GNPTG: variants seen among roughly 807,000 people sequenced by gnomAD.
GNPTG encodes N-acetylglucosamine-1-phosphotransferase subunit gamma.
In GNPTG, 46 loss-of-function variants were observed where a neutral mutation model predicts 43.8. That is an observed-to-expected ratio of 1.05 (90% CI 0.83 to 1.34). The LOEUF (loss-of-function observed/expected upper bound fraction) is 1.34. Among genes scored for constraint, GNPTG ranks in the 40% most tolerant of loss-of-function variants. The pLI, the probability that GNPTG is intolerant of heterozygous loss-of-function variation, is 0.00. For synonymous variants in GNPTG, 250 were observed against 172.8 expected (o/e 1.45, Z -3.50); for missense variants, 549 against 411.3 (o/e 1.33, Z -2.90).
chr16:1,361,449 C>T, intron 3 of GNPTG: 1 of 382,110 alleles, frequency 2.6e-6, no homozygotes, highest in Non-Finnish European at 5.0e-6. Context: ...TCGAGACCAT[C>T]CTGGCTAACG....
Position 1,362,064 on chromosome 16 carries a change from A to G in GNPTG, c.344A>G (p.Asn115Ser), listed in dbSNP as rs138297609. 2.7e-5 allele frequency: 43 copies of G among 1,612,440 alleles called. No homozygotes were observed. Among genetic ancestry groups the G allele is most frequent in the East Asian group, 8.9e-5 (4 of 44,828 alleles). Reference protein sequence around the residue: ...LGIWHEWEIANNTFTGMWMRD... With the variant: ...LGIWHEWEIASNTFTGMWMRD... ...ATCTGGCACGAGTGGGAGATCGCCA[A>G]CAACACCTTCACGGGCATGTGGATG... Residue 115 changes from asparagine to serine, a missense_variant, in exon 6 of 11, where the codon AAC becomes AGC. Physicochemically the swap from Asn to Ser is conservative, Grantham distance 46. Coordinates refer to ENST00000204679, the MANE Select transcript of GNPTG (RefSeq NM_032520.5).
At chr16:1,356,365 G>A (rs1294498821) in intron 3 of GNPTG, among the ~76,000 whole-genome samples, 1 of 152,144 alleles carries the variant, frequency 6.6e-6, no homozygotes, top group Non-Finnish European at 1.5e-5. Flanking sequence ...CAGGGGTGGT[G>A]GCATTTGGGG....
chr16:1,361,927 C>T lies in GNPTG; in HGVS notation c.289C>T (p.Arg97Cys), dbSNP rs753385216. The T allele has an allele frequency of 3.3e-5, 53 of 1,613,658 alleles. No homozygotes were observed. The highest frequency in any genetic ancestry group is 8.9e-5 in the East Asian group (4 of 44,874). ...CGTGACCCAGCACGAGCAGACCTTC[C>T]GCTGGAACGCCTACAGTGGGATCCT... Reference protein sequence around the residue: ...HNVTQHEQTFRWNAYSGILGI... With the variant: ...HNVTQHEQTFCWNAYSGILGI... The change falls in exon 5 of 11, where the codon CGC (arginine) becomes TGC (cysteine). Residue 97 changes from arginine (R) to cysteine (C), a missense_variant. By Grantham distance (180) the Arg-to-Cys change is radical (BLOSUM62 -3). Transcript: ENST00000204679.
Position 1,362,761 on chromosome 16 carries a change from G to C in GNPTG, c.741+19G>C. ...CAGGAAGGTACCGTATTGGGGGGAG[G>C]TGGTGGCACGCAGTAGCCCTCCAGC... On this transcript the variant is annotated intron_variant, in intron 9 of 10. Transcript: ENST00000204679. The C allele has an allele frequency of 6.2e-7, 1 of 1,614,118 alleles. No homozygotes were observed.
At position 1,354,169 on chromosome 16, in the gene GNPTG, G is replaced by A. The variant is rs1178303817; in HGVS notation, c.178+1863G>A. Among the ~76,000 whole-genome samples, 3 of 133,358 alleles carry A rather than the reference G, an allele frequency of 2.2e-5. No individual in the cohort carries two copies. The Admixed American group carries it at 2.4e-4, about 11-fold the overall frequency. 87.5% of individuals were successfully genotyped at this position (133,358 alleles called of 152,430 possible). On this transcript the variant is annotated intron_variant, in intron 3 of 10. Transcript: ENST00000204679. ...GGAGTCGGGCCACCACCTATCCCAA[G>A]AAGCTGGGGAGGAGGCAGGCCACTG...
intron 3 of GNPTG, among the ~76,000 whole-genome samples, chr16:1,354,739 T>G (rs1174411902): frequency 6.6e-6 from 1 of 152,268 alleles, no homozygotes; most frequent in African/African-American, 2.4e-5. Context: ...AACAGTTCTC[T>G]TCCCACCTTT....
intron 3 of GNPTG, among the ~76,000 whole-genome samples, chr16:1,359,967 G>C (rs1359503901): frequency 6.6e-6 from 1 of 152,120 alleles, no homozygotes; most frequent in African/African-American, 2.4e-5. Context: ...AAATTAGCCA[G>C]CCGTGATGGC....
At chr16:1,354,722 A>G (rs1344819433) in intron 3 of GNPTG, among the ~76,000 whole-genome samples, 1 of 151,938 alleles carries the variant, frequency 6.6e-6, no homozygotes, top group African/African-American at 2.4e-5. Flanking sequence ...TTAGTGTTTT[A>G]ATTTGGAACA....
chr16:1,357,354 C>G (rs74002211), intron 3 of GNPTG, among the ~76,000 whole-genome samples: 1 of 152,328 alleles, frequency 6.6e-6, no homozygotes, highest in African/African-American at 2.4e-5. Flanking sequence ...CCCCAGAGGT[C>G]TCAGTGGCAT....
rs1454670371 is a variant in GNPTG at position 1,362,484 on chromosome 16, C to T, written c.559C>T (p.Gln187Ter). Residue 187 changes from glutamine (Q) to a stop codon, truncating the protein, a stop_gained, in exon 8 of 11, where the codon CAG becomes TAG. Coordinates refer to ENST00000204679, the MANE Select transcript of GNPTG (RefSeq NM_032520.5). LOFTEE classifies it high-confidence loss of function. The stretch of plus-strand genomic sequence containing the variant: ...AACCCTGCCAGAGGCCCTGCAGCGG[C>T]AGTGGGACCAGGTAGAGCAGGACCT... ...YPTLPEALQR[Q>*]WDQVEQDLAD... 1 of 1,614,082 alleles carries T rather than the reference C, an allele frequency of 6.2e-7. No individual in the cohort carries two copies. Among genetic ancestry groups the T allele is most frequent in the South Asian group, 1.1e-5 (1 of 91,088 alleles).
In GNPTG at chr16:1,362,026, G is replaced by C; in HGVS notation, c.318-12G>C. On this transcript the variant is annotated splice_polypyrimidine_tract_variant and intron_variant, in intron 5 of 10. Coordinates refer to ENST00000204679, the MANE Select transcript of GNPTG (RefSeq NM_032520.5). Reference sequence around the variant, plus strand: ...CCACCCGGCCTCACGTGCCGTGCCCGTGTCTCCCCAGCATCTGGCACGAGT... The same window carrying C: ...CCACCCGGCCTCACGTGCCGTGCCCCTGTCTCCCCAGCATCTGGCACGAGT... The C allele has an allele frequency of 6.2e-7, 1 of 1,612,756 alleles. No individual in the cohort carries two copies. The highest frequency in any genetic ancestry group is 8.5e-7 in the Non-Finnish European group (1 of 1,179,704).
chr16:1,353,546 C>T (rs548150737), intron 3 of GNPTG, among the ~76,000 whole-genome samples: 13 of 152,126 alleles, frequency 8.5e-5, no homozygotes, highest in African/African-American at 1.9e-4. Context: ...TTTTTAGAGA[C>T]GGGGTCTTGC....
chr16:1,356,596 CG>C (rs2141856393), intron 3 of GNPTG, among the ~76,000 whole-genome samples: 1 of 152,272 alleles, frequency 6.6e-6, no homozygotes, highest in East Asian at 1.9e-4. Context: ...CCATCCCCTG[CG>C]GGAGGCTGCA....
intron 3 of GNPTG, among the ~76,000 whole-genome samples, chr16:1,356,896 G>GGAGTGTGCGGGCGA (rs1468497960): frequency 3.1e-4 from 2 of 6,554 alleles, no homozygotes; most frequent in African/African-American, 7.3e-4. Context: ...TCTGCGGGCG[G>GGAGTGTGCGGGCGA]GAGTGTGCGG....
chr16:1,352,392 C>G (rs2034701040), intron 3 of GNPTG, 86 bp downstream of exon 3: 1 of 1,311,386 alleles, frequency 7.6e-7, no homozygotes, highest in Non-Finnish European at 1.1e-6. Flanking sequence ...CTGAGAGTTA[C>G]GGCCCGGAGT....
chr16:1,362,976 G>A, intron 10 of GNPTG, 21 bp from the exon 11 acceptor site: 1 of 1,613,782 alleles, frequency 6.2e-7, no homozygotes, highest in Non-Finnish European at 8.5e-7. Context: ...GGTGAGGACT[G>A]GCCACCTGGT....
At chr16:1,358,835 T>C (rs2034822691) in intron 3 of GNPTG, 1 of 150,142 alleles carries the variant, frequency 6.7e-6, no homozygotes, top group South Asian at 2.2e-4. Context: ...ATCAGTCATG[T>C]GGGATCTTTT....
In GNPTG at chr16:1,363,073, A is replaced by T; in HGVS notation, c.900A>T (p.Gly300=). 6.2e-7 allele frequency: 1 copy of T among 1,613,940 alleles called. No homozygotes were observed. The highest frequency in any genetic ancestry group is 8.5e-7 in the Non-Finnish European group (1 of 1,180,020). The change falls in exon 11 of 11, where the codon GGA becomes GGT. Residue 300 remains glycine, a synonymous_variant. Transcript: ENST00000204679. ...CAGAGCAGCTGCGGGGTGACCCAGG[A>T]CTGCGTGGGAGTTTGTGACCTTGTG... ...KSPEQLRGDP[G]LRGSL
chr16:1,357,378 C>CA (rs2034796599), intron 3 of GNPTG, among the ~76,000 whole-genome samples: 1 of 152,178 alleles, frequency 6.6e-6, no homozygotes, highest in African/African-American at 2.4e-5. Context: ...CCTCTGCCCT[C>CA]CGGGGGCGGG....
Sources: gnomAD v4.1 joint callset for allele counts (sites outside exome capture counted in the v4.1 genomes callset) on GRCh38, gnomAD v4.1.1 for gene constraint, MANE v1.5 for transcripts, NCBI Gene and HGNC (gene_info 2026-07-23, HGNC 2026-07-21) for gene names.